Variants in TMEM131L observed in about 807,000 individuals in gnomAD.
TMEM131L encodes transmembrane 131 like.
TMEM131L carries 54 observed loss-of-function variants against 192.2 expected under a neutral mutation model. The ratio of observed to expected loss-of-function variants is 0.28; its 90% CI spans 0.23 to 0.35. The LOEUF (loss-of-function observed/expected upper bound fraction) is 0.35, where lower values mean the gene tolerates loss of function less well. TMEM131L is among the 10% of genes least tolerant of loss of function. The pLI is 1.00. For missense variants in TMEM131L, 1,888 were observed against 1,972.9 expected (o/e 0.96, Z 0.82); for synonymous variants, 701 against 704.9 (o/e 0.99, Z 0.09).
chr4:153,492,394 T>G (rs1257414136), intron 3 of TMEM131L, among the ~76,000 whole-genome samples: 1 of 152,198 alleles, frequency 6.6e-6, no homozygotes, highest in East Asian at 1.9e-4. Flanking sequence ...TTATCCAAAT[T>G]ATTACATTTT....
chr4:153,586,394 A>C lies in TMEM131L; in HGVS notation c.1482+15A>C, dbSNP rs371918901. 5.8e-4 allele frequency: 906 copies of C among 1,556,122 alleles called. 1 individual carries two copies. Among genetic ancestry groups the C allele is most frequent in the Non-Finnish European group, 7.6e-4 (880 of 1,153,778 alleles). On this transcript the variant is annotated intron_variant, in intron 14 of 34. Transcript: ENST00000409959. ...CACCAACCAAGGTATTTTCTACAAT[A>C]CTATATGTGTGTTACAGTTTTCTTA...
rs374417242 is a variant in TMEM131L, at chr4:153,625,677, G to A, written c.4046-470G>A. ...CTGTAAAGAACTTTGGGAGGCCGAG[G>A]CAGGTGGATCACCTGAGGTCAGGAG... is the stretch of plus-strand genomic sequence containing the variant. On this transcript the variant is annotated intron_variant, in intron 29 of 34. Coordinates refer to ENST00000409959, the MANE Select transcript of TMEM131L (RefSeq NM_001131007.2). Among the ~76,000 whole-genome samples, 10 of 152,170 alleles carry A rather than the reference G, an allele frequency of 6.6e-5. No homozygotes were observed. In the South Asian group the frequency reaches 2.1e-3, roughly 32 times the overall value.
rs145416753 is a variant in TMEM131L at position 153,472,301 on chromosome 4, G to T, written c.196-1544G>T. Among the ~76,000 whole-genome samples, 208 of 152,302 alleles carry T rather than the reference G, an allele frequency of 1.4e-3. 1 individual carries two copies. The highest frequency in any genetic ancestry group is 4.8e-3 in the African/African-American group (201 of 41,572). On this transcript the variant is annotated intron_variant, in intron 2 of 34. Transcript: ENST00000409959. ...TTTAGCCATTACGTATGTTGTGTGA[G>T]TTTCAGTACAGTTTGACCAGAAAAG...
intron 18 of TMEM131L, among the ~76,000 whole-genome samples, chr4:153,592,826 C>CTT (rs377300879): frequency 6.6e-6 from 1 of 152,178 alleles, no homozygotes; most frequent in South Asian, 2.1e-4. Context: ...CCAACAGATC[C>CTT]TTTTCTTTAG....
chr4:153,482,881 G>A (rs949538906), intron 3 of TMEM131L, among the ~76,000 whole-genome samples: 6 of 152,180 alleles, frequency 3.9e-5, no homozygotes, highest in Admixed American at 6.5e-5. Context: ...GTGAGCCATC[G>A]TGTCCAGTCC....
At chr4:153,599,231 T>G (rs1278385395) in intron 21 of TMEM131L, among the ~76,000 whole-genome samples, 1 of 152,164 alleles carries the variant, frequency 6.6e-6, no homozygotes, top group Non-Finnish European at 1.5e-5. Flanking sequence ...CACACACTTT[T>G]AAACAACCAG....
Position 153,499,932 on chromosome 4 carries a change from T to C in TMEM131L, c.239+26044T>C, listed in dbSNP as rs150299027. On this transcript the variant is annotated intron_variant, in intron 3 of 34. Transcript: ENST00000409959. ...CTTGAGACAGTTATCACATCTCTTC[T>C]CTAGGTTGGTTTTACCTAAATTTTT... Among the ~76,000 whole-genome samples, 759 of 152,220 alleles carry C rather than the reference T, an allele frequency of 5.0e-3. 7 individuals are homozygous for C. Among genetic ancestry groups the C allele is most frequent in the African/African-American group, 0.017 (725 of 41,472 alleles).
chr4:153,608,570 A>G (rs1732399466), intron 25 of TMEM131L, among the ~76,000 whole-genome samples: 1 of 152,258 alleles, frequency 6.6e-6, no homozygotes, highest in Admixed American at 6.5e-5. Flanking sequence ...ATGTAAAGGT[A>G]TAATTAAATT....
At chr4:153,515,598 T>C (rs781370241) in intron 3 of TMEM131L, among the ~76,000 whole-genome samples, 1 of 152,160 alleles carries the variant, frequency 6.6e-6, no homozygotes, top group Non-Finnish European at 1.5e-5. Flanking sequence ...TATCTACGAG[T>C]GGTATTGCTG....
intron 3 of TMEM131L, among the ~76,000 whole-genome samples, chr4:153,517,234 C>T (rs1390606713): frequency 1.3e-5 from 2 of 152,196 alleles, no homozygotes; most frequent in Admixed American, 6.5e-5. Context: ...TTTGTTTCCA[C>T]CATTGGACTT....
chr4:153,483,277 C>T (rs1429097291), intron 3 of TMEM131L, among the ~76,000 whole-genome samples: 1 of 152,208 alleles, frequency 6.6e-6, no homozygotes, highest in Non-Finnish European at 1.5e-5. Context: ...TTGCTTCATT[C>T]CATATGCCAC....
intron 25 of TMEM131L, among the ~76,000 whole-genome samples, chr4:153,607,679 T>C (rs1159484478): frequency 1.3e-5 from 2 of 152,228 alleles, no homozygotes; most frequent in African/African-American, 4.8e-5. Flanking sequence ...TCAGAACTCC[T>C]GGAGGCACCT....
chr4:153,595,927 T>C (rs1363673112), intron 19 of TMEM131L, among the ~76,000 whole-genome samples: 2 of 152,186 alleles, frequency 1.3e-5, no homozygotes, highest in Non-Finnish European at 2.9e-5. Context: ...GCAGAGGCTG[T>C]TGGGTCTGTT....
At chr4:153,604,581 C>T (rs1466261613) in intron 25 of TMEM131L, 151 bp downstream of exon 25, 2 of 787,144 alleles carry the variant, frequency 2.5e-6, no homozygotes, top group Admixed American at 3.1e-5. Context: ...ATGAAAAGTT[C>T]AAGACAAGAC....
chr4:153,588,484 C>T (rs1404372418), intron 15 of TMEM131L, among the ~76,000 whole-genome samples: 1 of 150,974 alleles, frequency 6.6e-6, no homozygotes, highest in Non-Finnish European at 1.5e-5. Context: ...GTCTGTGCCC[C>T]CTTTCAAGAA....
At position 153,604,150 on chromosome 4, in the gene TMEM131L, T is replaced by C; in HGVS notation, c.3138T>C (p.Asn1046=). The C allele has an allele frequency of 6.2e-7, 1 of 1,614,144 alleles. No individual in the cohort carries two copies. Among genetic ancestry groups the C allele is most frequent in the Non-Finnish European group, 8.5e-7 (1 of 1,180,020 alleles). ...ASGINVNLQK[N]LTLPKNLLNK... ...GCATAAATGTCAACCTGCAGAAGAATTTAACCCTTCCCAAAAACTTACTGA... is the reference window on the plus strand; with the variant it reads ...GCATAAATGTCAACCTGCAGAAGAACTTAACCCTTCCCAAAAACTTACTGA... The change falls in exon 25 of 35, where the codon AAT becomes AAC. Residue 1046 remains asparagine (N), a synonymous_variant. Transcript: ENST00000409959.
intron 3 of TMEM131L, among the ~76,000 whole-genome samples, chr4:153,493,048 C>T (rs1324327031): frequency 2.6e-5 from 4 of 152,040 alleles, no homozygotes; most frequent in Non-Finnish European, 5.9e-5. Flanking sequence ...AGCTCAGTGG[C>T]TAAAAGATAT....
chr4:153,602,576 C>T lies in TMEM131L; in HGVS notation c.2488C>T (p.Arg830Trp), dbSNP rs1464026656. 7.4e-6 allele frequency: 12 copies of T among 1,613,888 alleles called. No homozygotes were observed. Among genetic ancestry groups the T allele is most frequent in the Admixed American group, 5.0e-5 (3 of 59,990 alleles). ...TPDFTSSWVI[R>W]DLSLVTAADL... Reference sequence around the variant, plus strand: ...AGACTTTACCTCCTCCTGGGTAATTCGGGACCTAAGTCTTGTAACCGCAGC... The same window carrying T: ...AGACTTTACCTCCTCCTGGGTAATTTGGGACCTAAGTCTTGTAACCGCAGC... Residue 830 changes from arginine (R) to tryptophan (W), a missense_variant, in exon 23 of 35, where the codon CGG (arginine) becomes TGG (tryptophan). Physicochemically the swap from Arg to Trp is moderately radical, Grantham distance 101. Coordinates refer to ENST00000409959, the MANE Select transcript of TMEM131L (RefSeq NM_001131007.2).
chr4:153,495,336 A>C (rs898877029), intron 3 of TMEM131L, among the ~76,000 whole-genome samples: 2 of 152,058 alleles, frequency 1.3e-5, no homozygotes, highest in African/African-American at 2.4e-5. Context: ...AAAAAAAAAA[A>C]CAAGTAAGTT....
Sources: gnomAD v4.1 joint callset for allele counts (sites outside exome capture counted in the v4.1 genomes callset) on GRCh38, gnomAD v4.1.1 for gene constraint, MANE v1.5 for transcripts, NCBI Gene and HGNC (gene_info 2026-07-23, HGNC 2026-07-21) for gene names.